Variants in ZAP70 observed in about 807,000 individuals in gnomAD.
The protein encoded by ZAP70 is tyrosine-protein kinase ZAP-70.
Under a neutral mutation model 65.8 loss-of-function variants are expected in ZAP70, and 27 were observed. That is an observed-to-expected ratio of 0.41 (90% CI 0.30 to 0.57). The LOEUF (loss-of-function observed/expected upper bound fraction) is 0.57. Ranked by LOEUF, ZAP70 falls within the 20% of genes least tolerant of loss-of-function variation. The pLI, the probability that ZAP70 is intolerant of heterozygous loss-of-function variation, is 0.28. For synonymous variants in ZAP70, 363 were observed against 360.8 expected (o/e 1.01, Z -0.07); for missense variants, 696 against 870.5 (o/e 0.80, Z 2.52).
In ZAP70 at chr2:97,724,158, G is replaced by A. The variant is rs767957548; in HGVS notation, c.122G>A (p.Arg41His). The A allele has an allele frequency of 1.3e-6, 2 of 1,580,314 alleles. No homozygotes were observed. The highest frequency in any genetic ancestry group is 1.1e-5 in the South Asian group (1 of 88,004). ...DGLFLLRQCLRSLGGYVLSLV... is the reference protein window; with the variant it reads ...DGLFLLRQCLHSLGGYVLSLV... ...CTCTTCCTGCTGCGCCAGTGCCTGCGCTCGCTGGGCGGCTATGTGCTGTCG... is the reference window on the plus strand; with the variant it reads ...CTCTTCCTGCTGCGCCAGTGCCTGCACTCGCTGGGCGGCTATGTGCTGTCG... Residue 41 changes from arginine (R) to histidine (H), a missense_variant, in exon 3 of 14, where the codon CGC becomes CAC. Coordinates refer to ENST00000264972, the MANE Select transcript of ZAP70 (RefSeq NM_001079.4).
At chr2:97,719,127 G>C (rs1677061906) in intron 2 of ZAP70, among the ~76,000 whole-genome samples, 1 of 152,146 alleles carries the variant, frequency 6.6e-6, no homozygotes, top group Non-Finnish European at 1.5e-5. Flanking sequence ...CTGGGGCTCA[G>C]CTCTGTGGAA....
Position 97,736,971 on chromosome 2 carries a change from G to A in ZAP70, c.1290-502G>A, listed in dbSNP as rs1677914347. 6.6e-6 allele frequency among the ~76,000 whole-genome samples: 1 copy of A among 152,226 alleles called. No homozygotes were observed. Among genetic ancestry groups the A allele is most frequent in the African/African-American group, 2.4e-5 (1 of 41,524 alleles). Reference sequence around the variant, plus strand: ...TGGGCGGAGCTGACTATTCCTGCCTGGGGGTCCAGGTGAGTGATGCTGCGG... The same window carrying A: ...TGGGCGGAGCTGACTATTCCTGCCTAGGGGTCCAGGTGAGTGATGCTGCGG... On this transcript the variant is annotated intron_variant, in intron 10 of 13. Transcript: ENST00000264972. This position sits in a 1 kb window ranked among gnomAD's most constrained non-coding sequence, Gnocchi z 4.0.
chr2:97,735,053 G>A (rs1433849785), intron 9 of ZAP70, 197 bp from the exon 10 acceptor site: 1 of 697,030 alleles, frequency 1.4e-6, no homozygotes, highest in African/African-American at 1.8e-5. Flanking sequence ...TGTTCCCGGT[G>A]AGCGATCCGG....
At chr2:97,741,838 C>T (rs951071056), downstream of ZAP70, among the ~76,000 whole-genome samples, 15 of 152,244 alleles carry the variant, frequency 9.9e-5, no homozygotes, top group Non-Finnish European at 1.8e-4. Context: ...CTATTCCAGA[C>T]GTGTGTCATG....
chr2:97,717,311 C>T (rs1573248643), intron 2 of ZAP70, among the ~76,000 whole-genome samples: 1 of 148,932 alleles, frequency 6.7e-6, no homozygotes, highest in Non-Finnish European at 1.5e-5. Flanking sequence ...CCTGCAGAGC[C>T]TTGGATGGGG....
chr2:97,754,603 A>C, the ZAP70 span, among the ~76,000 whole-genome samples: 1 of 152,200 alleles, frequency 6.6e-6, no homozygotes, highest in Non-Finnish European at 1.5e-5. Context: ...GGATTTCACC[A>C]TGTTGGCCAG....
At chr2:97,744,155 C>T (rs1678191503), downstream of ZAP70, among the ~76,000 whole-genome samples, 1 of 152,192 alleles carries the variant, frequency 6.6e-6, no homozygotes, top group Non-Finnish European at 1.5e-5. Context: ...AATTTGAACC[C>T]AGCGAAACCC....
At position 97,732,945 on chromosome 2, in the gene ZAP70, A is replaced by G. The variant is rs1677674010; in HGVS notation, c.626A>G (p.Tyr209Cys). The G allele has an allele frequency of 1.2e-6, 2 of 1,614,094 alleles. No homozygotes were observed. Among genetic ancestry groups the G allele is most frequent in the Non-Finnish European group, 1.7e-6 (2 of 1,180,034 alleles). Residue 209 changes from tyrosine to cysteine, a missense_variant, in exon 5 of 14, where the codon TAC becomes TGC. This residue lies in a region of ZAP70 where 551 missense variants were observed against 630.0 expected (regional missense o/e 0.87). Coordinates refer to ENST00000264972, the MANE Select transcript of ZAP70 (RefSeq NM_001079.4). Reference sequence around the variant, plus strand: ...TCCCTCATCTATGGGAAGACGGTGTACCACTACCTCATCAGCCAAGACAAG... The same window carrying G: ...TCCCTCATCTATGGGAAGACGGTGTGCCACTACCTCATCAGCCAAGACAAG... Reference protein sequence around the residue: ...ALSLIYGKTVYHYLISQDKAG... With the variant: ...ALSLIYGKTVCHYLISQDKAG...
intron 8 of ZAP70, chr2:97,734,189 G>A (rs374168468): frequency 1.8e-4 from 74 of 416,030 alleles, no homozygotes; most frequent in African/African-American, 9.8e-4. Flanking sequence ...TGCTGCATAC[G>A]CAGACAGGGA....
chr2:97,740,188 C>T (rs1446980868), downstream of ZAP70, among the ~76,000 whole-genome samples: 2 of 152,148 alleles, frequency 1.3e-5, no homozygotes, highest in East Asian at 3.9e-4. Context: ...AACCCCCCCT[C>T]CCCCATCCAG....
At chr2:97,716,217 C>A (rs1357894095) in intron 2 of ZAP70, among the ~76,000 whole-genome samples, 1 of 152,172 alleles carries the variant, frequency 6.6e-6, no homozygotes, top group Non-Finnish European at 1.5e-5. Context: ...CGCCATCCTC[C>A]ACCCAAGGAA....
At chr2:97,725,035 G>A (rs55812168) in intron 3 of ZAP70, 57 bp from the exon 4 acceptor site, 8 of 1,607,942 alleles carry the variant, frequency 5.0e-6, no homozygotes, top group Non-Finnish European at 6.8e-6. Context: ...CCGGAAGGGG[G>A]TTCCTGTGGC....
At chr2:97,745,406 T>C in the ZAP70 span, among the ~76,000 whole-genome samples, 1 of 152,220 alleles carries the variant, frequency 6.6e-6, no homozygotes, top group South Asian at 2.1e-4. Context: ...AGAAAAATGT[T>C]AGCAAATCAT....
intron 4 of ZAP70, among the ~76,000 whole-genome samples, chr2:97,730,435 CA>C (rs1573273728): frequency 6.6e-6 from 1 of 152,142 alleles, no homozygotes; most frequent in Non-Finnish European, 1.5e-5. Flanking sequence ...ATTGGCCACT[CA>C]TGTAGGGTGC....
chr2:97,750,964 T>C, the ZAP70 span, among the ~76,000 whole-genome samples: 1 of 152,204 alleles, frequency 6.6e-6, no homozygotes, highest in South Asian at 2.1e-4. Flanking sequence ...TGGTGGGAAC[T>C]GGAGTTTGCA....
rs191265451 is a variant in ZAP70 at position 97,730,017 on chromosome 2, G to A, written c.564-2866G>A. ...TGAGGCAGGCGGATCGTCTAATGTC[G>A]GGAGTTTGAGACCAGCCTGGCCAAC... is the stretch of plus-strand genomic sequence containing the variant. On this transcript the variant is annotated intron_variant, in intron 4 of 13. Transcript: ENST00000264972. Among the ~76,000 whole-genome samples the A allele has an allele frequency of 7.8e-4, 118 of 152,142 alleles. No individual in the cohort carries two copies. In the Middle Eastern group the frequency reaches 0.01, roughly 13 times the overall value.
chr2:97,726,364 C>T (rs558892369), intron 4 of ZAP70, among the ~76,000 whole-genome samples: 2 of 152,320 alleles, frequency 1.3e-5, no homozygotes, highest in South Asian at 2.1e-4. Context: ...GTCACTCAGG[C>T]CTCAAGACAC....
At chr2:97,718,094 T>G in intron 2 of ZAP70, among the ~76,000 whole-genome samples, 1 of 152,260 alleles carries the variant, frequency 6.6e-6, no homozygotes, top group South Asian at 2.1e-4. Flanking sequence ...GCTTGGGGAA[T>G]GAACAGGCTC....
In ZAP70 at chr2:97,715,413, G is replaced by A. The variant is rs947429351; in HGVS notation, c.-22+1419G>A. Among the ~76,000 whole-genome samples the A allele has an allele frequency of 2.6e-5, 4 of 152,232 alleles. No homozygotes were observed. The highest frequency in any genetic ancestry group is 2.9e-5 in the Non-Finnish European group (2 of 68,006). ...AGCCCCTATCCTCCTGACTCACACC[G>A]CCTTTTCCCATCTCCCTTTTACAGT... On this transcript the variant is annotated intron_variant, in intron 2 of 13. Transcript: ENST00000264972. This position sits in a 1 kb window ranked among gnomAD's most constrained non-coding sequence, Gnocchi z 4.1.
Sources: allele counts gnomAD v4.1 joint callset (sites outside exome capture counted in the v4.1 genomes callset), GRCh38; gene constraint gnomAD v4.1.1; regional missense constraint gnomAD v4.1.1; non-coding constraint Gnocchi (gnomAD v3.1); transcripts MANE v1.5; gene names NCBI Gene and HGNC (gene_info 2026-07-23, HGNC 2026-07-21).